SORCS2: variants seen among roughly 807,000 people sequenced by gnomAD.
SORCS2 encodes the protein VPS10 domain-containing receptor SorCS2.
A neutral mutation model predicts 141.6 loss-of-function variants in SORCS2; 100 were observed. The observed-to-expected ratio is 0.71, with a 90% confidence interval of 0.60 to 0.83. SORCS2 has a LOEUF of 0.83. Ranked by LOEUF, SORCS2 falls within the 40% of genes least tolerant of loss-of-function variation. SORCS2 has a pLI of 0.00. For synonymous variants in SORCS2, 789 were observed against 676.9 expected (o/e 1.17, Z -2.57); for missense variants, 1,646 against 1,560.2 (o/e 1.05, Z -0.93).
intron 1 of SORCS2, among the ~76,000 whole-genome samples, chr4:7,274,084 A>G (rs947985401): frequency 2.0e-5 from 3 of 152,016 alleles, no homozygotes; most frequent in Non-Finnish European, 4.4e-5. Flanking sequence ...GATTTTATGA[A>G]CTCAGCAATG....
At chr4:7,678,221 C>G (rs895239921) in intron 9 of SORCS2, among the ~76,000 whole-genome samples, 1 of 141,920 alleles carries the variant, frequency 7.0e-6, no homozygotes, top group African/African-American at 2.6e-5. Context: ...TTCCTGGAGG[C>G]GGCTGAGCAG....
At chr4:7,403,631 C>G (rs1011160580) in intron 2 of SORCS2, among the ~76,000 whole-genome samples, 1 of 151,864 alleles carries the variant, frequency 6.6e-6, no homozygotes, top group Non-Finnish European at 1.5e-5. Context: ...GATTTCTTTA[C>G]GGTAGGATTT....
At chr4:7,429,169 C>A (rs1726656685) in intron 2 of SORCS2, among the ~76,000 whole-genome samples, 1 of 152,164 alleles carries the variant, frequency 6.6e-6, no homozygotes, top group Non-Finnish European at 1.5e-5. Context: ...GGCCGGCACA[C>A]CCCCTGCCTA....
At chr4:7,242,513 T>C (rs34337949) in intron 1 of SORCS2, among the ~76,000 whole-genome samples, 2,966 of 152,118 alleles carry the variant, frequency 0.019, 108 homozygotes, top group African/African-American at 0.068. Flanking sequence ...TCTGAATCAA[T>C]CCCTGAATCT....
At chr4:7,406,528 T>C (rs1724981042) in intron 2 of SORCS2, among the ~76,000 whole-genome samples, 1 of 151,938 alleles carries the variant, frequency 6.6e-6, no homozygotes, top group Non-Finnish European at 1.5e-5. Flanking sequence ...TGGCATATAG[T>C]TGTTTATACT....
chr4:7,267,390 G>C (rs1714817144), intron 1 of SORCS2, among the ~76,000 whole-genome samples: 1 of 152,332 alleles, frequency 6.6e-6, no homozygotes, highest in Middle Eastern at 3.4e-3. Context: ...GCAGCTCCGA[G>C]GATGGGTCGA....
chr4:7,504,249 C>A (rs756733710), intron 2 of SORCS2, among the ~76,000 whole-genome samples: 6 of 152,194 alleles, frequency 3.9e-5, no homozygotes, highest in Non-Finnish European at 1.5e-5. Flanking sequence ...GGACATCTGG[C>A]GGCCATCACT....
At chr4:7,549,803 A>G (rs990970266) in intron 3 of SORCS2, among the ~76,000 whole-genome samples, 1 of 152,124 alleles carries the variant, frequency 6.6e-6, no homozygotes, top group Non-Finnish European at 1.5e-5. Flanking sequence ...ACCGTATCTT[A>G]TCCCTCTTTG....
chr4:7,643,900 C>G (rs1208812980), intron 4 of SORCS2, among the ~76,000 whole-genome samples: 17 of 152,168 alleles, frequency 1.1e-4, no homozygotes, highest in Admixed American at 1.1e-3. Context: ...TGACCTCAGA[C>G]TTGAGAACAG....
intron 1 of SORCS2, among the ~76,000 whole-genome samples, chr4:7,340,651 G>A (rs1186735775): frequency 2.6e-5 from 4 of 152,214 alleles, no homozygotes; most frequent in Admixed American, 6.5e-5. Flanking sequence ...ACGTGAGCAC[G>A]CTTGCACACC....
chr4:7,654,269 CA>C, intron 5 of SORCS2, 62 bp downstream of exon 5: 1 of 1,520,916 alleles, frequency 6.6e-7, no homozygotes, highest in Non-Finnish European at 8.9e-7. Flanking sequence ...GCACTTCCCC[CA>C]AACCCTTGGG....
At position 7,682,546 on chromosome 4, in the gene SORCS2, C is replaced by T. The variant is rs142444195; in HGVS notation, c.1342-197C>T. On this transcript the variant is annotated intron_variant, in intron 9 of 26. Transcript: ENST00000507866. ...AGACAGAACTAGCTTCCCACTAAAA[C>T]TGGGGCCAGAGTCTTGAATCCCTGG... Among the ~76,000 whole-genome samples the T allele has an allele frequency of 3.3e-5, 5 of 152,332 alleles. No homozygotes were observed. In the South Asian group the frequency reaches 8.3e-4, roughly 25 times the overall value.
intron 3 of SORCS2, among the ~76,000 whole-genome samples, chr4:7,615,218 T>C (rs1020747665): frequency 3.9e-5 from 6 of 152,240 alleles, no homozygotes; most frequent in African/African-American, 1.4e-4. Flanking sequence ...GAGATTTACC[T>C]GGCACTGCTG....
At chr4:7,272,515 AAAT>A (rs1715210497) in intron 1 of SORCS2, among the ~76,000 whole-genome samples, 1 of 152,324 alleles carries the variant, frequency 6.6e-6, no homozygotes, top group African/African-American at 2.4e-5. Context: ...GCATCCAGTC[AAAT>A]TTATGTTCTG....
chr4:7,415,969 C>A (rs1725638355), intron 2 of SORCS2, among the ~76,000 whole-genome samples: 1 of 152,174 alleles, frequency 6.6e-6, no homozygotes, highest in Non-Finnish European at 1.5e-5. Context: ...AGTTTTCAGG[C>A]AGACAAGGGA....
chr4:7,540,115 C>T (rs1712485459), intron 3 of SORCS2, among the ~76,000 whole-genome samples: 1 of 143,792 alleles, frequency 7.0e-6, no homozygotes, highest in African/African-American at 2.6e-5. Flanking sequence ...CTGTGGGGCC[C>T]CACTCCCTCC....
At chr4:7,728,207 G>A (rs748054263) in intron 21 of SORCS2, 143 bp from the exon 22 acceptor site, 139 of 599,130 alleles carry the variant, frequency 2.3e-4, no homozygotes, top group Non-Finnish European at 3.3e-4. Context: ...TTGAGAAGAC[G>A]ATGGGGCTGC....
intron 1 of SORCS2, among the ~76,000 whole-genome samples, chr4:7,342,313 G>A (rs1397884356): frequency 1.3e-5 from 2 of 152,238 alleles, no homozygotes; most frequent in Admixed American, 6.5e-5. Flanking sequence ...TGCCTCTGAC[G>A]TTGCCCCGGG....
chr4:7,211,433 A>G (rs960888791), intron 1 of SORCS2, among the ~76,000 whole-genome samples: 1 of 152,184 alleles, frequency 6.6e-6, no homozygotes, highest in Non-Finnish European at 1.5e-5. Context: ...TCTGTTGCCC[A>G]GGCTGGAGTG....
Sources: gnomAD v4.1 joint callset for allele counts (sites outside exome capture counted in the v4.1 genomes callset) on GRCh38, gnomAD v4.1.1 for gene constraint, MANE v1.5 for transcripts, NCBI Gene and HGNC (gene_info 2026-07-23, HGNC 2026-07-21) for gene names.